Variants in TNFRSF21 observed in about 807,000 individuals in gnomAD.
The protein encoded by TNFRSF21 is tumor necrosis factor receptor superfamily member 21.
In TNFRSF21, 19 loss-of-function variants were observed where a neutral mutation model predicts 45.6. The ratio of observed to expected loss-of-function variants is 0.42; its 90% CI spans 0.29 to 0.61. The LOEUF (loss-of-function observed/expected upper bound fraction) is 0.61. Among genes scored for constraint, TNFRSF21 ranks in the 20% least tolerant of loss-of-function variants. TNFRSF21 has a pLI of 0.23. For missense variants in TNFRSF21, 737 were observed against 851.5 expected (o/e 0.87, Z 1.67); for synonymous variants, 314 against 335.5 (o/e 0.94, Z 0.70).
intron 1 of TNFRSF21, among the ~76,000 whole-genome samples, chr6:47,290,714 A>C (rs2113866429): frequency 6.6e-6 from 1 of 152,340 alleles, no homozygotes; most frequent in Non-Finnish European, 1.5e-5. Flanking sequence ...AACAAGAGAC[A>C]ATTCCAGCTC....
chr6:47,275,332 A>C (rs1268669761), intron 3 of TNFRSF21, among the ~76,000 whole-genome samples: 4 of 152,172 alleles, frequency 2.6e-5, no homozygotes, highest in African/African-American at 9.7e-5. Context: ...GCCATAAAAA[A>C]GATGAGTTCA....
In TNFRSF21 at chr6:47,285,956, A is replaced by G; in HGVS notation, c.736T>C (p.Tyr246His). ...GAGGTTAAGTTACCTTTGGGAACATAAGTGGAGGAAGGGACTTCATGGGTT... is the reference window on the plus strand; with the variant it reads ...GAGGTTAAGTTACCTTTGGGAACATGAGTGGAGGAAGGGACTTCATGGGTT... The part of the protein sequence containing the change: ...METHEVPSST[Y>H]VPKGMNSTES... Residue 246 changes from tyrosine to histidine, a missense_variant, in exon 2 of 6, where the codon TAT (tyrosine) becomes CAT (histidine). Physicochemically the swap from Tyr to His is moderately conservative, Grantham distance 83 (BLOSUM62 2). Transcript: ENST00000296861. The G allele has an allele frequency of 1.2e-6, 2 of 1,613,980 alleles. No individual in the cohort carries two copies. The highest frequency in any genetic ancestry group is 1.7e-6 in the Non-Finnish European group (2 of 1,179,864).
chr6:47,240,444 G>C (rs993460375), intron 4 of TNFRSF21, among the ~76,000 whole-genome samples: 4 of 152,200 alleles, frequency 2.6e-5, no homozygotes, highest in Non-Finnish European at 5.9e-5. Context: ...TTCGTTTGCT[G>C]CTAAGGAAGT....
chr6:47,238,979 T>A (rs558942080), intron 4 of TNFRSF21, among the ~76,000 whole-genome samples: 1 of 152,288 alleles, frequency 6.6e-6, no homozygotes, highest in South Asian at 2.1e-4. Flanking sequence ...CTCTGGATGC[T>A]TAACCAAATC....
At chr6:47,265,199 T>C (rs1394736385) in intron 3 of TNFRSF21, among the ~76,000 whole-genome samples, 2 of 152,280 alleles carry the variant, frequency 1.3e-5, no homozygotes, top group Non-Finnish European at 2.9e-5. Flanking sequence ...CCTTCAGCCA[T>C]TGGGTGTCTG....
intron 3 of TNFRSF21, among the ~76,000 whole-genome samples, chr6:47,274,798 A>G (rs1019676454): frequency 6.6e-6 from 1 of 152,170 alleles, no homozygotes; most frequent in African/African-American, 2.4e-5. Context: ...ACAAGAAAAA[A>G]ACAAACAACC....
At chr6:47,266,711 G>A (rs568706026) in intron 3 of TNFRSF21, among the ~76,000 whole-genome samples, 3 of 152,300 alleles carry the variant, frequency 2.0e-5, no homozygotes, top group South Asian at 2.1e-4. Context: ...GGGGTTGGTT[G>A]TAGGTTGTTT....
rs552171434 is a variant in TNFRSF21, at chr6:47,299,364, G to A, written c.96+10052C>T. ...ACAAAAATTAGCCAGGCAGGGTGGT[G>A]CACGCTGTAATCCCAGCTACTCAGG... On this transcript the variant is annotated intron_variant, in intron 1 of 5. Coordinates refer to ENST00000296861, the MANE Select transcript of TNFRSF21 (RefSeq NM_014452.5). 4.5e-4 allele frequency among the ~76,000 whole-genome samples: 69 copies of A among 152,068 alleles called. 1 individual carries two copies. Among genetic ancestry groups the A allele is most frequent in the Middle Eastern group, 3.4e-3 (1 of 294 alleles).
At chr6:47,276,854 T>A (rs923368215) in intron 3 of TNFRSF21, among the ~76,000 whole-genome samples, 1 of 152,242 alleles carries the variant, frequency 6.6e-6, no homozygotes, top group Non-Finnish European at 1.5e-5. Flanking sequence ...TCTGCCCATT[T>A]GAGAGAGCAC....
At chr6:47,264,830 C>A (rs1186919540) in intron 3 of TNFRSF21, among the ~76,000 whole-genome samples, 1 of 152,166 alleles carries the variant, frequency 6.6e-6, no homozygotes, top group African/African-American at 2.4e-5. Flanking sequence ...AACAGTCCAA[C>A]CCCGCTGCTG....
Position 47,232,574 on chromosome 6 carries a change from G to A in TNFRSF21, c.*191C>T, listed in dbSNP as rs1160906852. 9.3e-5 allele frequency: 44 copies of A among 473,392 alleles called. No homozygotes were observed. Among genetic ancestry groups the A allele is most frequent in the African/African-American group, 8.6e-4 (32 of 37,022 alleles). 29.3% of individuals were successfully genotyped at this position (473,392 alleles called of 1,614,324 possible). A position where few individuals can be genotyped will look rare whatever the true frequency, so the allele number is the denominator to read the frequency against. On this transcript the variant is annotated 3_prime_UTR_variant, in exon 6 of 6. Coordinates refer to ENST00000296861, the MANE Select transcript of TNFRSF21 (RefSeq NM_014452.5). ...CCAGAAGAGTTATTTAAAAAAAAAA[G>A]AGAGAGAGAGAAGGAGAAAGAACTC... is the stretch of plus-strand genomic sequence containing the variant.
chr6:47,276,915 G>A (rs947372218), intron 3 of TNFRSF21, among the ~76,000 whole-genome samples: 1 of 152,184 alleles, frequency 6.6e-6, no homozygotes, highest in Admixed American at 6.5e-5. Context: ...GGTATGGAGG[G>A]AAACCCATCT....
chr6:47,268,651 A>C (rs546963891), intron 3 of TNFRSF21, among the ~76,000 whole-genome samples: 1 of 152,256 alleles, frequency 6.6e-6, no homozygotes, highest in African/African-American at 2.4e-5. Context: ...CCAGCCTGAA[A>C]TCATCCAAGT....
chr6:47,262,370 G>A (rs6923959), intron 3 of TNFRSF21, among the ~76,000 whole-genome samples: 60,401 of 152,052 alleles, frequency 0.4, 12,334 homozygotes, highest in African/African-American at 0.49. Flanking sequence ...TATCTCAAAT[G>A]TCTGAAGCTG....
chr6:47,250,978 CTATG>C lies in TNFRSF21; in HGVS notation c.1509+2274_1509+2277del, dbSNP rs555317638. 7.2e-4 allele frequency among the ~76,000 whole-genome samples: 109 copies of C among 152,282 alleles called. No homozygotes were observed. The South Asian group carries it at 0.022, about 30-fold the overall frequency. On this transcript the variant is annotated intron_variant, in intron 4 of 5. Coordinates refer to ENST00000296861, the MANE Select transcript of TNFRSF21 (RefSeq NM_014452.5). Reference sequence around the variant, plus strand: ...AATTTTGTATAAAATTACCTTCAGGCTATGTATGTAAGGTATATGTGAAACATAA... The same window carrying C: ...AATTTTGTATAAAATTACCTTCAGGCTATGTAAGGTATATGTGAAACATAA...
At position 47,279,311 on chromosome 6, in the gene TNFRSF21, C is replaced by T. The variant is rs967583069; in HGVS notation, c.1243+4627G>A. ...GAAAGAAGGAAAAGGGAAATAGTAA[C>T]GGCACAAATTAGAAACTGCAATGAG... is the stretch of plus-strand genomic sequence containing the variant. On this transcript the variant is annotated intron_variant, in intron 3 of 5. Transcript: ENST00000296861. Among the ~76,000 whole-genome samples, 14 of 152,142 alleles carry T rather than the reference C, an allele frequency of 9.2e-5. No individual in the cohort carries two copies. The East Asian group carries it at 1.5e-3, about 17-fold the overall frequency.
chr6:47,246,060 G>A (rs568941843), intron 4 of TNFRSF21, among the ~76,000 whole-genome samples: 1 of 152,210 alleles, frequency 6.6e-6, no homozygotes, highest in South Asian at 2.1e-4. Flanking sequence ...CCAACATTGG[G>A]AATTACAATT....
intron 4 of TNFRSF21, among the ~76,000 whole-genome samples, chr6:47,236,854 G>A (rs1764670687): frequency 6.6e-6 from 1 of 152,126 alleles, no homozygotes; most frequent in Admixed American, 6.5e-5. Flanking sequence ...GGAAGACATG[G>A]TCAGTCAATA....
chr6:47,294,087 A>C (rs1248133076), intron 1 of TNFRSF21, among the ~76,000 whole-genome samples: 1 of 152,190 alleles, frequency 6.6e-6, no homozygotes, highest in Non-Finnish European at 1.5e-5. Flanking sequence ...AATTAGAACC[A>C]ACATATTAGA....
Sources: gnomAD v4.1 joint callset for allele counts (sites outside exome capture counted in the v4.1 genomes callset) on GRCh38, gnomAD v4.1.1 for gene constraint, MANE v1.5 for transcripts, NCBI Gene and HGNC (gene_info 2026-07-23, HGNC 2026-07-21) for gene names.